Variants in APBA3 observed in about 807,000 individuals in gnomAD.
APBA3 encodes the protein amyloid-beta A4 precursor protein-binding family A member 3.
Under a neutral mutation model 55.9 loss-of-function variants are expected in APBA3, and 45 were observed. The observed-to-expected ratio is 0.80, with a 90% confidence interval of 0.63 to 1.03. The LOEUF is 1.03. Ranked by LOEUF, APBA3 falls within the 50% of genes least tolerant of loss-of-function variation. APBA3 has a pLI of 0.00. For missense variants in APBA3, 865 were observed against 820.3 expected (o/e 1.05, Z -0.67); for synonymous variants, 370 against 353.3 (o/e 1.05, Z -0.53).
intron 3 of APBA3, 48 bp downstream of exon 3, chr19:3,759,513 T>C: frequency 1.3e-6 from 2 of 1,544,526 alleles, no homozygotes; most frequent in Non-Finnish European, 8.8e-7. Flanking sequence ...TGATTCTGGC[T>C]GTCTAGGGGC....
At chr19:3,755,559 C>CGGCGGG (rs1555743061) in intron 3 of APBA3, 1 of 51,244 alleles carries the variant, frequency 2.0e-5, no homozygotes, top group Non-Finnish European at 4.1e-5. Flanking sequence ...TTTAGGAGGC[C>CGGCGGG]GGGGGGGGGG....
chr19:3,757,105 C>T lies in APBA3; in HGVS notation c.616+2456G>A, dbSNP rs186398193. 4.6e-4 allele frequency among the ~76,000 whole-genome samples: 70 copies of T among 151,902 alleles called. 1 individual carries two copies. The highest frequency in any genetic ancestry group is 1.7e-3 in the African/African-American group (69 of 41,276). On this transcript the variant is annotated intron_variant, in intron 3 of 10. Transcript: ENST00000316757. ...AAACCAGTTTTTCTCTCTGCAACCACAGAACTGTTTTTTTTTTTCTTTTTT... is the reference window on the plus strand; with the variant it reads ...AAACCAGTTTTTCTCTCTGCAACCATAGAACTGTTTTTTTTTTTCTTTTTT...
At chr19:3,761,444 GACCCAGCCCCAA>G (rs2037145346) in intron 1 of APBA3, 80 bp downstream of exon 1, 1 of 152,672 alleles carries the variant, frequency 6.5e-6, no homozygotes. Context: ...CCGACTTCAG[GACCCAGCCCCAA>G]GCCCAGACCC....
rs2037046143 is a variant in APBA3, at chr19:3,754,115, G to T, written c.763-10C>A. ...TCTCCCCATCGGGGGCCTGTGGGTG[G>T]CGGCGTGGGAGGTGGAGGCCCCCAC... On this transcript the variant is annotated splice_polypyrimidine_tract_variant and intron_variant, in intron 4 of 10. Transcript: ENST00000316757. The T allele has an allele frequency of 1.9e-6, 3 of 1,592,280 alleles. No homozygotes were observed. Among genetic ancestry groups the T allele is most frequent in the Non-Finnish European group, 1.7e-6 (2 of 1,169,952 alleles).
rs1394513232 is a variant in APBA3, at chr19:3,752,494, A to G, written c.1395+14T>C. The G allele has an allele frequency of 1.9e-6, 3 of 1,555,864 alleles. No individual in the cohort carries two copies. The African/African-American group carries it at 4.0e-5, about 21-fold the overall frequency. Reference sequence around the variant, plus strand: ...CCTGGGAGTGTGGGGGCCCTGCCACACCAGGAAACTCACGCGGACAGCGGC... The same window carrying G: ...CCTGGGAGTGTGGGGGCCCTGCCACGCCAGGAAACTCACGCGGACAGCGGC... On this transcript the variant is annotated intron_variant, in intron 8 of 10. Transcript: ENST00000316757.
Position 3,752,516 on chromosome 19 carries a change from C to T in APBA3, c.1387G>A (p.Ala463Thr), listed in dbSNP as rs575676926. The T allele has an allele frequency of 3.9e-5, 62 of 1,574,738 alleles. No homozygotes were observed. Among genetic ancestry groups the T allele is most frequent in the Admixed American group, 9.1e-5 (5 of 55,026 alleles). ...CACACCAGGAAACTCACGCGGACAGCGGCCTGGCACGCAGCCAGGGGCAGC... is the reference window on the plus strand; with the variant it reads ...CACACCAGGAAACTCACGCGGACAGTGGCCTGGCACGCAGCCAGGGGCAGC... ...VGLPLAACQA[A>T]VRETKSQTSV... Residue 463 changes from alanine (A) to threonine (T), a missense_variant, in exon 8 of 11, where the codon GCT becomes ACT. Physicochemically the swap from Ala to Thr is moderately conservative, Grantham distance 58. Transcript: ENST00000316757.
At chr19:3,757,435 G>A (rs61479660) in intron 3 of APBA3, among the ~76,000 whole-genome samples, 1 of 151,784 alleles carries the variant, frequency 6.6e-6, no homozygotes, top group Non-Finnish European at 1.5e-5. Flanking sequence ...TATATCCTTA[G>A]CGAAGTGTAG....
At chr19:3,752,258 G>C (rs561280792) in intron 8 of APBA3, among the ~76,000 whole-genome samples, 1 of 152,190 alleles carries the variant, frequency 6.6e-6, no homozygotes, top group East Asian at 1.9e-4. Flanking sequence ...TAGAGAGAGA[G>C]AGTGGCCCAG....
chr19:3,751,659 C>T, intron 8 of APBA3, 106 bp from the exon 9 acceptor site: 1 of 1,305,078 alleles, frequency 7.7e-7, no homozygotes, highest in South Asian at 1.4e-5. Flanking sequence ...GACCTGGAGT[C>T]CAGGGGCTCA....
chr19:3,751,203 C>T lies in APBA3; in HGVS notation c.1642G>A (p.Glu548Lys), dbSNP rs757361785. 8.4e-6 allele frequency: 13 copies of T among 1,552,098 alleles called. No individual in the cohort carries two copies. Among genetic ancestry groups the T allele is most frequent in the South Asian group, 2.4e-5 (2 of 84,306 alleles). The stretch of plus-strand genomic sequence containing the variant: ...CACCCGCACACCTCGCCATAGGCCT[C>T]GGTGAGCAGCTCGATGATGCGGGCG... ...PHARIIELLTEAYGEVHIKTM... is the reference protein window; with the variant it reads ...PHARIIELLTKAYGEVHIKTM... Residue 548 changes from glutamate (E) to lysine (K), a missense_variant, in exon 10 of 11, where the codon GAG (glutamate) becomes AAG (lysine). Coordinates refer to ENST00000316757, the MANE Select transcript of APBA3 (RefSeq NM_004886.4).
At position 3,759,893 on chromosome 19, in the gene APBA3, G is replaced by A. The variant is rs894834234; in HGVS notation, c.372C>T (p.Ser124=). ...CTAGAGGCTCTTCAGGACCAGTCTG[G>A]GAAGGCGGGCATTCCTCGCAGTGCA... ...GLLHCEECPP[S]QTGPEEPLEP... The change falls in exon 2 of 11, where the codon TCC becomes TCT. Residue 124 remains serine (S), a synonymous_variant. Coordinates refer to ENST00000316757, the MANE Select transcript of APBA3 (RefSeq NM_004886.4). 6.2e-7 allele frequency: 1 copy of A among 1,611,834 alleles called. No individual in the cohort carries two copies. Among genetic ancestry groups the A allele is most frequent in the African/African-American group, 1.3e-5 (1 of 74,858 alleles).
intron 3 of APBA3, among the ~76,000 whole-genome samples, chr19:3,757,771 T>C (rs182124125): frequency 9.1e-4 from 139 of 152,176 alleles, no homozygotes; most frequent in African/African-American, 3.2e-3. Flanking sequence ...TTGGCAAACA[T>C]TTTCTGTAAA....
At position 3,759,900 on chromosome 19, in the gene APBA3, G is replaced by T. The variant is rs201048764; in HGVS notation, c.365C>A (p.Pro122Gln). The change falls in exon 2 of 11, where the codon CCG (proline) becomes CAG (glutamine). Residue 122 changes from proline to glutamine, a missense_variant. Physicochemically the swap from Pro to Gln is moderately conservative, Grantham distance 76. Coordinates refer to ENST00000316757, the MANE Select transcript of APBA3 (RefSeq NM_004886.4). ...CTCTTCAGGACCAGTCTGGGAAGGC[G>T]GGCATTCCTCGCAGTGCAAGAGGCC... ...LLGLLHCEEC[P>Q]PSQTGPEEPL... The T allele has an allele frequency of 6.2e-7, 1 of 1,611,760 alleles. No homozygotes were observed. Among genetic ancestry groups the T allele is most frequent in the Admixed American group, 1.7e-5 (1 of 59,546 alleles).
In APBA3 at chr19:3,752,916, A is replaced by G. The variant is rs1417881990; in HGVS notation, c.1086T>C (p.Ile362=). ...GGTGCACGCCCACCTGGCTGGGGTC[A>G]ATACCGCTTTCCCGTAGGAACTGGC... ...AYSQFLRESG[I]DPSQVGVHPS... Residue 362 remains isoleucine, a synonymous_variant, in exon 7 of 11, where the codon ATT becomes ATC. Transcript: ENST00000316757. 5 of 1,613,306 alleles carry G rather than the reference A, an allele frequency of 3.1e-6. No homozygotes were observed. The highest frequency in any genetic ancestry group is 4.2e-6 in the Non-Finnish European group (5 of 1,179,924).
intron 6 of APBA3, 37 bp from the exon 7 acceptor site, chr19:3,753,027 C>T: frequency 1.3e-6 from 2 of 1,599,704 alleles, no homozygotes; most frequent in East Asian, 2.2e-5. Flanking sequence ...GGGTGTCCCA[C>T]CCACCTCCTC....
chr19:3,758,908 GA>G (rs1208932696), intron 3 of APBA3, among the ~76,000 whole-genome samples: 3 of 149,864 alleles, frequency 2.0e-5, no homozygotes, highest in East Asian at 2.0e-4. Context: ...TTCTTTCAAT[GA>G]AAAAAAAAGT....
rs1240577401 is a variant in APBA3, at chr19:3,752,959, G to T, written c.1043C>A (p.Ala348Asp). 4 of 1,612,836 alleles carry T rather than the reference G, an allele frequency of 2.5e-6. No individual in the cohort carries two copies. Among genetic ancestry groups the T allele is most frequent in the Non-Finnish European group, 3.4e-6 (4 of 1,179,910 alleles). The change falls in exon 7 of 11, where the codon GCC becomes GAC. Residue 348 changes from alanine (A) to aspartate (D), a missense_variant. Physicochemically the swap from Ala to Asp is moderately radical, Grantham distance 126. Transcript: ENST00000316757. Reference protein sequence around the residue: ...AQLIAQAIGQAFAAAYSQFLR... With the variant: ...AQLIAQAIGQDFAAAYSQFLR... ...GAACTGGCTGTAGGCGGCGGCGAAG[G>T]CCTGGCCAATGGCCTGGGCGATGAG...
rs749510543 is a variant in APBA3, at chr19:3,751,199, G to T, written c.1646C>A (p.Ala549Asp). ...CCACCACCCGCACACCTCGCCATAG[G>T]CCTCGGTGAGCAGCTCGATGATGCG... is the stretch of plus-strand genomic sequence containing the variant. ...HARIIELLTE[A>D]YGEVHIKTMP... is the part of the protein sequence containing the mutation. The change falls in exon 10 of 11, where the codon GCC becomes GAC. Residue 549 changes from alanine (A) to aspartate (D), a missense_variant. Coordinates refer to ENST00000316757, the MANE Select transcript of APBA3 (RefSeq NM_004886.4). 2.6e-6 allele frequency: 4 copies of T among 1,551,934 alleles called. No individual in the cohort carries two copies. The South Asian group carries it at 4.7e-5, about 18-fold the overall frequency.
Position 3,753,009 on chromosome 19 carries a change from C to T in APBA3, c.1012-19G>A, listed in dbSNP as rs745531524. On this transcript the variant is annotated intron_variant, in intron 6 of 10. Transcript: ENST00000316757. ...GCTGGGCCTGCGGGGAGGAGTGGCG[C>T]GTCCCTGGGGTGTCCCACCCACCTC... 1.2e-5 allele frequency: 20 copies of T among 1,607,096 alleles called. No individual in the cohort carries two copies. Among genetic ancestry groups the T allele is most frequent in the East Asian group, 6.7e-5 (3 of 44,864 alleles).
Sources: allele counts gnomAD v4.1 joint callset (sites outside exome capture counted in the v4.1 genomes callset), GRCh38; gene constraint gnomAD v4.1.1; transcripts MANE v1.5; gene names NCBI Gene and HGNC (gene_info 2026-07-23, HGNC 2026-07-21).